HEMK2: variants seen among roughly 807,000 people sequenced by gnomAD.
HEMK2 encodes HemK methyltransferase 2, ETF1 glutamine and histone H4 lysine.
the HEMK2 span, among the ~76,000 whole-genome samples, chr21:28,752,187 T>C: frequency 6.6e-6 from 1 of 152,188 alleles, no homozygotes; most frequent in Non-Finnish European, 1.5e-5. Context: ...AATAGACTAA[T>C]TGTCCCCAAA....
the HEMK2 span, among the ~76,000 whole-genome samples, chr21:28,579,304 GTA>G: frequency 6.6e-6 from 1 of 152,086 alleles, no homozygotes; most frequent in East Asian, 1.9e-4. Flanking sequence ...ATTCTTGTGT[GTA>G]TGTGTTTATA....
At chr21:28,679,817 A>G in the HEMK2 span, among the ~76,000 whole-genome samples, 1 of 152,180 alleles carries the variant, frequency 6.6e-6, no homozygotes, top group African/African-American at 2.4e-5. Context: ...ACATAACGAA[A>G]TGAAGGCAGA....
the HEMK2 span, among the ~76,000 whole-genome samples, chr21:28,791,565 C>A: frequency 1.3e-5 from 2 of 152,124 alleles, no homozygotes; most frequent in Admixed American, 1.3e-4. Flanking sequence ...TTGACATAAT[C>A]TTATAAAAGT....
At chr21:28,584,563 T>C in the HEMK2 span, among the ~76,000 whole-genome samples, 2 of 151,926 alleles carry the variant, frequency 1.3e-5, no homozygotes, top group Non-Finnish European at 2.9e-5. Context: ...GAAAAGCATA[T>C]AAGAAAGTAA....
chr21:28,819,030 C>T, the HEMK2 span, among the ~76,000 whole-genome samples: 1 of 152,066 alleles, frequency 6.6e-6, no homozygotes, highest in Non-Finnish European at 1.5e-5. Flanking sequence ...ATTTCCAAGC[C>T]TAAGAACTGT....
the HEMK2 span, among the ~76,000 whole-genome samples, chr21:28,730,383 G>GACACAC: frequency 2.6e-5 from 3 of 115,832 alleles, no homozygotes; most frequent in South Asian, 5.2e-4. Context: ...AACACACACA[G>GACACAC]ACACACACAC....
the HEMK2 span, among the ~76,000 whole-genome samples, chr21:28,830,531 G>A: frequency 1.6e-4 from 25 of 152,262 alleles, no homozygotes; most frequent in East Asian, 4.8e-3. Context: ...CTTTATAGCA[G>A]TGTGAGAACA....
At chr21:28,879,536 G>T in the HEMK2 span, among the ~76,000 whole-genome samples, 1 of 152,106 alleles carries the variant, frequency 6.6e-6, no homozygotes. Context: ...CATTGCACTC[G>T]GCCAGTTAAA....
chr21:28,714,743 C>T, the HEMK2 span, among the ~76,000 whole-genome samples: 2 of 152,162 alleles, frequency 1.3e-5, no homozygotes, highest in Admixed American at 6.5e-5. Flanking sequence ...ATGATCTCGT[C>T]ACCCAGGTAG....
chr21:28,851,636 C>G, the HEMK2 span, among the ~76,000 whole-genome samples: 2 of 152,196 alleles, frequency 1.3e-5, no homozygotes, highest in South Asian at 4.1e-4. Context: ...TATTTTCCAT[C>G]CTCTGGCATG....
chr21:28,757,183 T>C, the HEMK2 span, among the ~76,000 whole-genome samples: 1 of 151,982 alleles, frequency 6.6e-6, no homozygotes, highest in African/African-American at 2.4e-5. Context: ...TAAGGTGTCA[T>C]CCATGCTTAA....
chr21:28,818,029 A>T, the HEMK2 span, among the ~76,000 whole-genome samples: 2 of 152,204 alleles, frequency 1.3e-5, no homozygotes, highest in African/African-American at 4.8e-5. Flanking sequence ...TGAAGCATGC[A>T]AAGTATTGTT....
the HEMK2 span, among the ~76,000 whole-genome samples, chr21:28,840,020 C>A: frequency 6.6e-6 from 1 of 152,082 alleles, no homozygotes; most frequent in Non-Finnish European, 1.5e-5. Flanking sequence ...AAAATAGGCA[C>A]AAAGACCAAT....
At chr21:28,604,914 T>C in the HEMK2 span, among the ~76,000 whole-genome samples, 1 of 152,220 alleles carries the variant, frequency 6.6e-6, no homozygotes, top group Non-Finnish European at 1.5e-5. Flanking sequence ...CAGACAATTG[T>C]TCTTGGGCAT....
the HEMK2 span, among the ~76,000 whole-genome samples, chr21:28,789,678 C>T: frequency 2.0e-5 from 3 of 152,100 alleles, no homozygotes; most frequent in African/African-American, 7.2e-5. Flanking sequence ...GTAGATTATA[C>T]GAGTAATTGG....
chr21:28,733,650 C>T, the HEMK2 span, among the ~76,000 whole-genome samples: 1 of 152,036 alleles, frequency 6.6e-6, no homozygotes, highest in Non-Finnish European at 1.5e-5. Context: ...TCCCCCCAAC[C>T]CCATTTTTTT....
At chr21:28,681,541 G>GA in the HEMK2 span, among the ~76,000 whole-genome samples, 214 of 152,026 alleles carry the variant, frequency 1.4e-3, no homozygotes, top group African/African-American at 4.7e-3. Context: ...CACAGAATTG[G>GA]AAAAAAATAC....
chr21:28,785,719 C>G, the HEMK2 span, among the ~76,000 whole-genome samples: 22,099 of 152,046 alleles, frequency 0.15, 3,014 homozygotes, highest in African/African-American at 0.35. Flanking sequence ...CCTCATAGCC[C>G]CAGCCGACAC....
At chr21:28,819,072 G>A in the HEMK2 span, among the ~76,000 whole-genome samples, 2 of 151,728 alleles carry the variant, frequency 1.3e-5, no homozygotes, top group Non-Finnish European at 2.9e-5. Context: ...TAATGTTTTC[G>A]TTACCCTCAG....
Sources: allele counts gnomAD v4.1 joint callset (sites outside exome capture counted in the v4.1 genomes callset), GRCh38; gene constraint gnomAD v4.1.1; transcripts MANE v1.5; gene names NCBI Gene and HGNC (gene_info 2026-07-23, HGNC 2026-07-21).